Variants in SPIDR observed in about 807,000 individuals in gnomAD.
The protein encoded by SPIDR is scaffold protein involved in DNA repair.
Under a neutral mutation model 104.6 loss-of-function variants are expected in SPIDR, and 93 were observed. That is an observed-to-expected ratio of 0.89 (90% CI 0.75 to 1.06). SPIDR has a LOEUF of 1.06. SPIDR is among the 50% of genes least tolerant of loss of function. The pLI is 0.00. For missense variants in SPIDR, 1,154 were observed against 1,111.2 expected, an observed-to-expected ratio of 1.04 and a Z score of -0.55; for synonymous variants, 431 against 416.9, an observed-to-expected ratio of 1.03 and a Z score of -0.41.
At chr8:47,705,932 C>G (rs2081023643) in intron 14 of SPIDR, among the ~76,000 whole-genome samples, 1 of 151,248 alleles carries the variant, frequency 6.6e-6, no homozygotes, top group African/African-American at 2.4e-5. Flanking sequence ...AGTTGTATTT[C>G]CGTTACACTA....
chr8:47,673,927 A>G lies in SPIDR; in HGVS notation c.1671A>G (p.Lys557=), dbSNP rs1293477788. 5 of 1,614,126 alleles carry G rather than the reference A, an allele frequency of 3.1e-6. No homozygotes were observed. In the South Asian group the frequency reaches 5.5e-5, roughly 18 times the overall value. ...TGGTGGGAATGAAGGTTCTACAGAA[A>G]GTCACCAGAGGAAGGTGAGAACGTG... The part of the protein sequence containing the change: ...CSLVGMKVLQ[K]VTRGRTAGIF... Residue 557 remains lysine (K), a synonymous_variant, in exon 11 of 20, where the codon AAA becomes AAG. Transcript: ENST00000297423.
intron 8 of SPIDR, among the ~76,000 whole-genome samples, chr8:47,504,593 G>C (rs1362570989): frequency 2.0e-5 from 3 of 152,098 alleles, no homozygotes; most frequent in Non-Finnish European, 2.9e-5. Context: ...TCCTCCTTTA[G>C]CTCGGAGTAG....
intron 11 of SPIDR, among the ~76,000 whole-genome samples, chr8:47,681,437 G>T (rs1027965989): frequency 6.6e-6 from 1 of 151,916 alleles, no homozygotes; most frequent in East Asian, 1.9e-4. Context: ...ATTTTCTTTG[G>T]ATTGGTTACA....
At chr8:47,515,282 C>T (rs2082944402) in intron 8 of SPIDR, among the ~76,000 whole-genome samples, 2 of 152,208 alleles carry the variant, frequency 1.3e-5, no homozygotes, top group African/African-American at 4.8e-5. Context: ...GAATTACTTA[C>T]AGAATTAAGC....
intron 5 of SPIDR, among the ~76,000 whole-genome samples, chr8:47,296,625 C>T (rs1054505945): frequency 4.6e-5 from 7 of 152,058 alleles, no homozygotes; most frequent in African/African-American, 1.2e-4. Context: ...GTTAGTTGGT[C>T]GGTTTTTATG....
chr8:47,513,572 G>C (rs2082686317), intron 8 of SPIDR, among the ~76,000 whole-genome samples: 1 of 152,288 alleles, frequency 6.6e-6, no homozygotes, highest in South Asian at 2.1e-4. Context: ...CATTGAAATG[G>C]AAAGTTGGCT....
intron 5 of SPIDR, chr8:47,294,483 G>A (rs1035210658): frequency 6.4e-6 from 1 of 155,198 alleles, no homozygotes; most frequent in African/African-American, 2.4e-5. Context: ...ACTCATTAGA[G>A]ACTCAGTGCC....
intron 8 of SPIDR, among the ~76,000 whole-genome samples, chr8:47,538,239 GA>G (rs2087318018): frequency 6.6e-6 from 1 of 152,000 alleles, no homozygotes; most frequent in Non-Finnish European, 1.5e-5. Context: ...TTTGGAAGGA[GA>G]AAATACTATG....
intron 10 of SPIDR, among the ~76,000 whole-genome samples, chr8:47,668,724 A>G: frequency 6.6e-6 from 1 of 152,252 alleles, no homozygotes; most frequent in East Asian, 1.9e-4. Flanking sequence ...AAATGATTGC[A>G]TGAAAGTACA....
chr8:47,672,916 T>G (rs1027103989), intron 10 of SPIDR, among the ~76,000 whole-genome samples: 1 of 152,238 alleles, frequency 6.6e-6, no homozygotes, highest in Non-Finnish European at 1.5e-5. Context: ...CCTGGAAGAC[T>G]TCATTAAGGA....
At chr8:47,725,642 G>A (rs1338325148) in intron 16 of SPIDR, among the ~76,000 whole-genome samples, 3 of 152,124 alleles carry the variant, frequency 2.0e-5, no homozygotes, top group Non-Finnish European at 4.4e-5. Flanking sequence ...CTCCCACCTC[G>A]GCTGCCCAAA....
chr8:47,424,708 T>G (rs896346023), intron 7 of SPIDR, among the ~76,000 whole-genome samples: 17 of 152,192 alleles, frequency 1.1e-4, no homozygotes, highest in Non-Finnish European at 2.4e-4. Context: ...AAGAAATTGA[T>G]GGGCTTCAGA....
chr8:47,482,189 C>T (rs1554727688), intron 8 of SPIDR, among the ~76,000 whole-genome samples: 1 of 152,228 alleles, frequency 6.6e-6, no homozygotes, highest in African/African-American at 2.4e-5. Context: ...AATCTTCTCT[C>T]AAACGCATAT....
At chr8:47,513,529 T>C (rs1423910870) in intron 8 of SPIDR, among the ~76,000 whole-genome samples, 1 of 152,236 alleles carries the variant, frequency 6.6e-6, no homozygotes, top group African/African-American at 2.4e-5. Context: ...TTCTCCAGTT[T>C]AGGTGAAATC....
chr8:47,396,558 T>G lies in SPIDR; in HGVS notation c.708T>G (p.His236Gln). The change falls in exon 6 of 20, where the codon CAT becomes CAG. Residue 236 changes from histidine (H) to glutamine (Q), a missense_variant. Coordinates refer to ENST00000297423, the MANE Select transcript of SPIDR (RefSeq NM_001080394.4). ...CAAAATCAACAGAGACCATTTTGCA[T>G]ACACCTCAGAAACCCACAGCTAAGT... Reference protein sequence around the residue: ...PRTKSTETILHTPQKPTAKFP... With the variant: ...PRTKSTETILQTPQKPTAKFP... 1.2e-6 allele frequency: 2 copies of G among 1,614,150 alleles called. No individual in the cohort carries two copies. Among genetic ancestry groups the G allele is most frequent in the African/African-American group, 1.3e-5 (1 of 75,046 alleles).
intron 10 of SPIDR, among the ~76,000 whole-genome samples, chr8:47,668,869 AG>A (rs1381172677): frequency 6.6e-6 from 1 of 152,214 alleles, no homozygotes; most frequent in East Asian, 1.9e-4. Flanking sequence ...TAGACAGTCT[AG>A]GCGTAGATCT....
intron 7 of SPIDR, among the ~76,000 whole-genome samples, chr8:47,428,775 C>T (rs1554686945): frequency 6.6e-6 from 1 of 152,204 alleles, no homozygotes. Context: ...TGAAGGGATA[C>T]TGCCAGTGCC....
chr8:47,553,362 C>A (rs575319459), intron 8 of SPIDR, among the ~76,000 whole-genome samples: 9 of 152,204 alleles, frequency 5.9e-5, no homozygotes, highest in Admixed American at 6.5e-5. Context: ...TCCATTCTCC[C>A]CGTCACTTTC....
intron 8 of SPIDR, among the ~76,000 whole-genome samples, chr8:47,508,210 G>A (rs2081774898): frequency 6.6e-6 from 1 of 152,188 alleles, no homozygotes; most frequent in African/African-American, 2.4e-5. Flanking sequence ...TATAGACTGA[G>A]TTATGGCACA....
Sources: gnomAD v4.1 joint callset for allele counts (sites outside exome capture counted in the v4.1 genomes callset) on GRCh38, gnomAD v4.1.1 for gene constraint, MANE v1.5 for transcripts, NCBI Gene and HGNC (gene_info 2026-07-23, HGNC 2026-07-21) for gene names.